The following FGF12 variants were observed in gnomAD, a reference collection of about 807,000 sequenced individuals.
The protein encoded by FGF12 is fibroblast growth factor 12B.
A neutral mutation model predicts 23.6 loss-of-function variants in FGF12; 14 were observed. The observed-to-expected ratio is 0.59, with a 90% CI of 0.39 to 0.93. The LOEUF is 0.93. Ranked by LOEUF, FGF12 falls within the 40% of genes least tolerant of loss-of-function variation. The pLI is 0.00. For missense variants in FGF12, 175 were observed against 217.8 expected (o/e 0.80, Z 1.24); for synonymous variants, 62 against 77.3 (o/e 0.80, Z 1.04).
chr3:192,442,516 A>G (rs1211651917), intron 2 of FGF12, among the ~76,000 whole-genome samples: 1 of 152,224 alleles, frequency 6.6e-6, no homozygotes, highest in Admixed American at 6.5e-5. Context: ...AAGAATCTGA[A>G]GATGCCCAAA....
intron 2 of FGF12, among the ~76,000 whole-genome samples, chr3:192,649,594 C>T (rs1577098720): frequency 6.6e-6 from 1 of 152,098 alleles, no homozygotes; most frequent in Non-Finnish European, 1.5e-5. Flanking sequence ...CTCACCCTGT[C>T]TTCCAGGATG....
chr3:192,415,622 A>C (rs746357478), intron 2 of FGF12, among the ~76,000 whole-genome samples: 2 of 151,758 alleles, frequency 1.3e-5, no homozygotes, highest in Non-Finnish European at 2.9e-5. Flanking sequence ...CTAAATATTA[A>C]ATCTGATATC....
rs141342536 is a variant in FGF12, at chr3:192,281,661, T to C, written c.228+53700A>G. ...GCACTGTGACCTCAGCTTGGGCACT[T>C]AGCAACACATGGGCAAACAGTTTTC... On this transcript the variant is annotated intron_variant, in intron 4 of 5. Coordinates refer to ENST00000445105, the MANE Select transcript of FGF12 (RefSeq NM_004113.6). 1.2e-4 allele frequency among the ~76,000 whole-genome samples: 18 copies of C among 152,220 alleles called. No homozygotes were observed. The East Asian group carries it at 3.5e-3, about 29-fold the overall frequency.
intron 2 of FGF12, among the ~76,000 whole-genome samples, chr3:192,582,918 C>G (rs1713217063): frequency 6.6e-6 from 1 of 152,138 alleles, no homozygotes; most frequent in African/African-American, 2.4e-5. Context: ...GCACACTGTG[C>G]ACTTTTCATT....
intron 2 of FGF12, among the ~76,000 whole-genome samples, chr3:192,566,235 TCA>T (rs1237311981): frequency 6.6e-6 from 1 of 152,244 alleles, no homozygotes; most frequent in African/African-American, 2.4e-5. Context: ...TTGAGGGATC[TCA>T]GTTTCAGACT....
rs560331148 is a variant in FGF12 at position 192,390,707 on chromosome 3, T to C, written c.14-30169A>G. 4.7e-4 allele frequency among the ~76,000 whole-genome samples: 71 copies of C among 152,196 alleles called. No homozygotes were observed. In the South Asian group the frequency reaches 0.014, roughly 30 times the overall value. On this transcript the variant is annotated intron_variant, in intron 2 of 5. Transcript: ENST00000445105. ...CAGTTAGTACCTGATGAATAAACAA[T>C]AGAGTAAAACGTTACAGAGATACAG...
rs76968344 is a variant in FGF12 at position 192,378,722 on chromosome 3, C to T, written c.14-18184G>A. 8.2e-4 allele frequency among the ~76,000 whole-genome samples: 124 copies of T among 151,494 alleles called. 1 individual carries two copies. The East Asian group carries it at 0.017, about 21-fold the overall frequency. On this transcript the variant is annotated intron_variant, in intron 2 of 5. Coordinates refer to ENST00000445105, the MANE Select transcript of FGF12 (RefSeq NM_004113.6). The stretch of plus-strand genomic sequence containing the variant: ...ATCAAAAGCACTTTTTTTTAGGGTC[C>T]GGGGGTGCAGGTGTGGGGTTGTGGG...
At chr3:192,373,365 T>G (rs1039311675) in intron 2 of FGF12, among the ~76,000 whole-genome samples, 1 of 151,592 alleles carries the variant, frequency 6.6e-6, no homozygotes, top group Non-Finnish European at 1.5e-5. Flanking sequence ...ATTGGAAGAG[T>G]TCCGTGGCTC....
chr3:192,381,386 T>A (rs1186511798), intron 2 of FGF12, among the ~76,000 whole-genome samples: 1 of 152,172 alleles, frequency 6.6e-6, no homozygotes, highest in Non-Finnish European at 1.5e-5. Flanking sequence ...ATTCCTTCCA[T>A]CCTAACCTTG....
At chr3:192,279,423 C>T (rs6808757) in intron 4 of FGF12, among the ~76,000 whole-genome samples, 54,211 of 151,748 alleles carry the variant, frequency 0.36, 10,770 homozygotes, top group East Asian at 0.9. Context: ...AAGCATTTCA[C>T]ATATTTATTT....
At chr3:192,668,097 A>G (rs1716963426) in intron 2 of FGF12, among the ~76,000 whole-genome samples, 1 of 152,168 alleles carries the variant, frequency 6.6e-6, no homozygotes, top group Non-Finnish European at 1.5e-5. Flanking sequence ...AAATGTTAGT[A>G]CTTTACTAAA....
intron 2 of FGF12, among the ~76,000 whole-genome samples, chr3:192,690,098 A>T (rs577658946): frequency 8.5e-5 from 13 of 152,172 alleles, no homozygotes; most frequent in Middle Eastern, 3.4e-3. Context: ...ATTCACAGAC[A>T]AATAAAAGCT....
At chr3:192,682,569 A>T (rs1468479886) in intron 2 of FGF12, among the ~76,000 whole-genome samples, 2 of 152,184 alleles carry the variant, frequency 1.3e-5, no homozygotes, top group African/African-American at 2.4e-5. Context: ...ATTTAATATG[A>T]AATATCATCC....
chr3:192,463,985 T>C (rs920895532), intron 2 of FGF12, among the ~76,000 whole-genome samples: 1 of 152,160 alleles, frequency 6.6e-6, no homozygotes, highest in Non-Finnish European at 1.5e-5. Context: ...TTTTTTCTAC[T>C]CCTACTCTTA....
At chr3:192,306,082 G>A (rs185334819) in intron 4 of FGF12, among the ~76,000 whole-genome samples, 2 of 151,866 alleles carry the variant, frequency 1.3e-5, no homozygotes, top group Non-Finnish European at 2.9e-5. Flanking sequence ...GGATGGCCTC[G>A]ATCTCCTGAC....
chr3:192,559,683 T>C (rs1216475676), intron 2 of FGF12, among the ~76,000 whole-genome samples: 2 of 151,900 alleles, frequency 1.3e-5, no homozygotes, highest in East Asian at 1.9e-4. Context: ...AAAAGATGTG[T>C]CAATAGATTG....
At chr3:192,714,836 C>T (rs1718817402) in intron 2 of FGF12, among the ~76,000 whole-genome samples, 1 of 152,092 alleles carries the variant, frequency 6.6e-6, no homozygotes, top group African/African-American at 2.4e-5. Context: ...AATTTTTAAG[C>T]CTGACACTTT....
At chr3:192,166,423 T>G (rs1715164559) in intron 5 of FGF12, among the ~76,000 whole-genome samples, 1 of 152,206 alleles carries the variant, frequency 6.6e-6, no homozygotes, top group Non-Finnish European at 1.5e-5. Flanking sequence ...CAAGATCATT[T>G]ACTAGGTCCC....
intron 4 of FGF12, among the ~76,000 whole-genome samples, chr3:192,234,669 G>A (rs1449995034): frequency 2.0e-5 from 3 of 152,088 alleles, no homozygotes; most frequent in Non-Finnish European, 4.4e-5. Flanking sequence ...TGCTGGCCAT[G>A]GGTTTGTCAA....
Sources: allele counts gnomAD v4.1 joint callset (sites outside exome capture counted in the v4.1 genomes callset), GRCh38; gene constraint gnomAD v4.1.1; transcripts MANE v1.5; gene names NCBI Gene and HGNC (gene_info 2026-07-23, HGNC 2026-07-21).